Variants in PCDHGA7 observed in about 807,000 individuals in gnomAD.
PCDHGA7 encodes the protein protocadherin gamma-A7.
PCDHGA7 carries 44 observed loss-of-function variants against 58.3 expected under a neutral mutation model. The observed-to-expected ratio is 0.75, with a 90% CI of 0.59 to 0.97. The LOEUF (loss-of-function observed/expected upper bound fraction) is 0.97. Ranked by LOEUF, PCDHGA7 falls within the 50% of genes least tolerant of loss-of-function variation. The pLI, the probability that PCDHGA7 is intolerant of heterozygous loss-of-function variation, is 0.00. For synonymous variants in PCDHGA7, 516 were observed against 504.2 expected (o/e 1.02, Z -0.31); for missense variants, 1,266 against 1,188.7 (o/e 1.06, Z -0.96).
chr5:141,417,682 AAAAG>A (rs2096147308), intron 1 of PCDHGA7: 2 of 1,035,494 alleles, frequency 1.9e-6, no homozygotes, highest in Non-Finnish European at 2.7e-6. Context: ...CCAACAACAG[AAAAG>A]AAAACCAGCT....
chr5:141,383,611 C>A lies in PCDHGA7; in HGVS notation c.712C>A (p.His238Asn), dbSNP rs757490099. ...GGTGACAGTGGTGGATGTGAATGAC[C>A]ACACGCCTGTCTTCTCTCTGCCTCA... ...IQVTVVDVND[H>N]TPVFSLPQYQ... is the part of the protein sequence containing the mutation. Residue 238 changes from histidine to asparagine, a missense_variant, in exon 1 of 4, where the codon CAC becomes AAC. His to Asn is a moderately conservative substitution (Grantham distance 68, BLOSUM62 1). Coordinates refer to ENST00000518325, the MANE Select transcript of PCDHGA7 (RefSeq NM_018920.4). 8 of 1,613,656 alleles carry A rather than the reference C, an allele frequency of 5.0e-6. No individual in the cohort carries two copies. The Admixed American group carries it at 1.3e-4, about 27-fold the overall frequency.
chr5:141,421,222 C>G, intron 1 of PCDHGA7: 2 of 1,576,946 alleles, frequency 1.3e-6, no homozygotes, highest in Non-Finnish European at 1.7e-6. Flanking sequence ...CGGCTTAGAG[C>G]CTGCCATGGC....
At chr5:141,468,953 T>G (rs182999574) in intron 1 of PCDHGA7, among the ~76,000 whole-genome samples, 1,938 of 89,156 alleles carry the variant, frequency 0.022, 22 homozygotes, top group Non-Finnish European at 0.033. Flanking sequence ...AAACCTGTGG[T>G]TTTTTTTACC....
At chr5:141,492,237 C>G (rs2099738580) in intron 1 of PCDHGA7, among the ~76,000 whole-genome samples, 1 of 152,206 alleles carries the variant, frequency 6.6e-6, no homozygotes, top group Admixed American at 6.5e-5. Flanking sequence ...TCCCTGCTGG[C>G]CACCCCCACG....
chr5:141,427,787 C>T, intron 1 of PCDHGA7: 1 of 1,478,068 alleles, frequency 6.8e-7, no homozygotes, highest in Non-Finnish European at 9.4e-7. Flanking sequence ...CACTGTCGTC[C>T]TACGTGTCCG....
Position 141,511,231 on chromosome 5 carries a change from C to T in PCDHGA7, c.*58C>T. On this transcript the variant is annotated 3_prime_UTR_variant, in exon 4 of 4. Coordinates refer to ENST00000518325, the MANE Select transcript of PCDHGA7 (RefSeq NM_018920.4). ...CTCTCCCCAACCAGCCCAGCTTCTC[C>T]TTACCTGCACCCAGGCCTCAGAGTT... 2 of 1,595,900 alleles carry T rather than the reference C, an allele frequency of 1.3e-6. No individual in the cohort carries two copies. The highest frequency in any genetic ancestry group is 2.2e-5 in the South Asian group (2 of 88,992).
At chr5:141,421,303 G>A (rs1456288695) in intron 1 of PCDHGA7, 1 of 1,613,660 alleles carries the variant, frequency 6.2e-7, no homozygotes, top group Non-Finnish European at 8.5e-7. Flanking sequence ...GACGCTGCGG[G>A]GGTTCCGGGC....
At chr5:141,479,651 C>CAAA (rs931031810) in intron 1 of PCDHGA7, 2 of 152,124 alleles carry the variant, frequency 1.3e-5, no homozygotes, top group African/African-American at 2.4e-5. Flanking sequence ...ACAACAACAA[C>CAAA]AATCCCAGAA....
At chr5:141,403,596 C>G (rs746360206) in intron 1 of PCDHGA7, 16 of 1,613,650 alleles carry the variant, frequency 9.9e-6, no homozygotes, top group African/African-American at 2.7e-5. Flanking sequence ...CTCACGGCCT[C>G]GGATGGCGGC....
In PCDHGA7 at chr5:141,384,771, C is replaced by A. The variant is rs568102289; in HGVS notation, c.1872C>A (p.Gly624=). The change falls in exon 1 of 4, where the codon GGC becomes GGA. Residue 624 remains glycine, a synonymous_variant. Coordinates refer to ENST00000518325, the MANE Select transcript of PCDHGA7 (RefSeq NM_018920.4). ...PGLFAVGLYT[G]EVRTARALLD... is the part of the protein sequence containing the mutation. ...TCTTTGCGGTTGGGCTGTACACGGG[C>A]GAGGTGCGCACGGCTCGGGCCCTGC... 1.2e-6 allele frequency: 2 copies of A among 1,613,878 alleles called. No homozygotes were observed. Among genetic ancestry groups the A allele is most frequent in the Non-Finnish European group, 1.7e-6 (2 of 1,180,002 alleles).
At chr5:141,385,487 A>G in intron 1 of PCDHGA7, 164 bp downstream of exon 1, 1 of 1,416,436 alleles carries the variant, frequency 7.1e-7, no homozygotes, top group Admixed American at 3.0e-5. Flanking sequence ...TATAGAACAC[A>G]TAGGATATAG....
At chr5:141,400,943 T>G (rs1253479872) in intron 1 of PCDHGA7, among the ~76,000 whole-genome samples, 1 of 152,260 alleles carries the variant, frequency 6.6e-6, no homozygotes, top group East Asian at 1.9e-4. Flanking sequence ...CTTTCTTCAC[T>G]GATTTCACTG....
rs574059424 is a variant in PCDHGA7 at position 141,426,522 on chromosome 5, G to A, written c.2424+41199G>A. On this transcript the variant is annotated intron_variant, in intron 1 of 3. Transcript: ENST00000518325. ...AGAAACAATACTTTACCGTGAACAC[G>A]GAGAATGGGAACATACTTGTGAGTG... is the stretch of plus-strand genomic sequence containing the variant. The A allele has an allele frequency of 4.4e-5, 15 of 341,518 alleles. No individual in the cohort carries two copies. In the East Asian group the frequency reaches 6.0e-4, roughly 14 times the overall value. 21.2% of individuals were successfully genotyped at this position (341,518 alleles called of 1,614,324 possible).
chr5:141,399,618 G>A, intron 1 of PCDHGA7: 1 of 1,613,914 alleles, frequency 6.2e-7, no homozygotes, highest in Non-Finnish European at 8.5e-7. Context: ...CTCTGGCACT[G>A]GCCTCTTACG....
At chr5:141,437,445 T>C (rs187869679) in intron 1 of PCDHGA7, among the ~76,000 whole-genome samples, 1 of 152,348 alleles carries the variant, frequency 6.6e-6, no homozygotes, top group East Asian at 1.9e-4. Flanking sequence ...CATAGGAATG[T>C]TGAGGAGACT....
chr5:141,457,694 C>T (rs891323419), intron 1 of PCDHGA7, among the ~76,000 whole-genome samples: 4 of 152,214 alleles, frequency 2.6e-5, no homozygotes, highest in Non-Finnish European at 5.9e-5. Context: ...TTTGGATTGG[C>T]TTTGATGAAA....
chr5:141,431,584 G>A lies in PCDHGA7; in HGVS notation c.2424+46261G>A, dbSNP rs201462681. 7 of 1,614,074 alleles carry A rather than the reference G, an allele frequency of 4.3e-6. No homozygotes were observed. The African/African-American group carries it at 9.3e-5, about 22-fold the overall frequency. On this transcript the variant is annotated intron_variant, in intron 1 of 3. Coordinates refer to ENST00000518325, the MANE Select transcript of PCDHGA7 (RefSeq NM_018920.4). The surrounding 1 kb of genome is among the most constrained non-coding windows in gnomAD (Gnocchi z 4.8). ...CCGACCCTGACGAAGGAGTCAATGC[G>A]GAAGTGAGGTATTCCTTCCGGTATG... is the stretch of plus-strand genomic sequence containing the variant.
chr5:141,408,316 G>A (rs1407149479), intron 1 of PCDHGA7: 3 of 1,613,750 alleles, frequency 1.9e-6, no homozygotes, highest in African/African-American at 1.3e-5. Context: ...ACTCGATTCC[G>A]GAGGAGCTGG....
chr5:141,397,835 T>G (rs1483046343), intron 1 of PCDHGA7, among the ~76,000 whole-genome samples: 1 of 152,238 alleles, frequency 6.6e-6, no homozygotes, highest in Admixed American at 6.5e-5. Context: ...CTGGTTAACT[T>G]GAAGCCGCAG....
Sources: allele counts gnomAD v4.1 joint callset (sites outside exome capture counted in the v4.1 genomes callset), GRCh38; gene constraint gnomAD v4.1.1; non-coding constraint Gnocchi (gnomAD v3.1); transcripts MANE v1.5; gene names NCBI Gene and HGNC (gene_info 2026-07-23, HGNC 2026-07-21).